TNFAIP1: variants seen among roughly 807,000 people sequenced by gnomAD.
The protein encoded by TNFAIP1 is BTB/POZ domain-containing adapter for CUL3-mediated RhoA degradation protein 2.
A neutral mutation model predicts 32.6 loss-of-function variants in TNFAIP1; 20 were observed. The ratio of observed to expected loss-of-function variants is 0.61; its 90% CI spans 0.43 to 0.89. The LOEUF is 0.89. TNFAIP1 is among the 40% of genes least tolerant of loss of function. The probability of loss-of-function intolerance (pLI) is 0.00; values close to 1 mark genes in which losing one functional copy is unlikely to be tolerated. For missense variants in TNFAIP1, 319 were observed against 425.1 expected, an observed-to-expected ratio of 0.75 and a Z score of 2.20; for synonymous variants, 166 against 166.8, an observed-to-expected ratio of 1.00 and a Z score of 0.04.
In TNFAIP1 at chr17:28,342,322, C is replaced by A; in HGVS notation, c.594C>A (p.Leu198=). The A allele has an allele frequency of 1.2e-6, 2 of 1,606,252 alleles. No homozygotes were observed. The highest frequency in any genetic ancestry group is 1.7e-6 in the Non-Finnish European group (2 of 1,173,322). The change falls in exon 6 of 7, where the codon CTC becomes CTA. Residue 198 remains leucine, a synonymous_variant. Transcript: ENST00000226225. This position sits in a 1 kb window ranked among gnomAD's most constrained non-coding sequence, Gnocchi z 4.0. The part of the protein sequence containing the change: ...KLSLRFNGRV[L]FIKDVIGDEI... ...CCCTGCGCTTCAACGGCCGCGTGCT[C>A]TTCATCAAGGATGTCATTGGTGACG...
In TNFAIP1 at chr17:28,339,627, G is replaced by A. The variant is rs962594443; in HGVS notation, c.106G>A (p.Gly36Ser). 11 of 1,613,830 alleles carry A rather than the reference G, an allele frequency of 6.8e-6. No homozygotes were observed. Among genetic ancestry groups the A allele is most frequent in the Non-Finnish European group, 9.3e-6 (11 of 1,180,000 alleles). ...GNKYVQLNVG[G>S]SLYYTTVRAL... Reference sequence around the variant, plus strand: ...CAAGTATGTCCAGCTCAACGTGGGCGGCTCTCTGTACTACACCACTGTGCG... The same window carrying A: ...CAAGTATGTCCAGCTCAACGTGGGCAGCTCTCTGTACTACACCACTGTGCG... Residue 36 changes from glycine to serine, a missense_variant, in exon 2 of 7, where the codon GGC (glycine) becomes AGC (serine). Coordinates refer to ENST00000226225, the MANE Select transcript of TNFAIP1 (RefSeq NM_021137.5).
intron 1 of TNFAIP1, among the ~76,000 whole-genome samples, 168 bp from the exon 2 acceptor site, chr17:28,339,240 A>C (rs2142382548): frequency 6.7e-6 from 1 of 148,674 alleles, no homozygotes; most frequent in Admixed American, 6.7e-5. Context: ...CCTGTCTCTA[A>C]GAAAAAAAAA....
rs1350956146 is a variant in TNFAIP1, at chr17:28,340,565, G to T, written c.375+87G>T. On this transcript the variant is annotated intron_variant, in intron 3 of 6. Coordinates refer to ENST00000226225, the MANE Select transcript of TNFAIP1 (RefSeq NM_021137.5). The surrounding 1 kb of genome is among the most constrained non-coding windows in gnomAD (Gnocchi z 4.1). Reference sequence around the variant, plus strand: ...GATGGAGGACTCTGGTTCCTGGCAGGTTGTGTGGGAGGCGTGGTTGATGAG... The same window carrying T: ...GATGGAGGACTCTGGTTCCTGGCAGTTTGTGTGGGAGGCGTGGTTGATGAG... The T allele has an allele frequency of 3.3e-6, 5 of 1,504,950 alleles. No homozygotes were observed. The highest frequency in any genetic ancestry group is 3.6e-6 in the Non-Finnish European group (4 of 1,101,444). 93.2% of individuals were successfully genotyped at this position (1,504,950 alleles called of 1,614,324 possible).
chr17:28,345,215 T>TAATC lies in TNFAIP1; in HGVS notation c.*616_*619dup, dbSNP rs1907512372. ...TTTGTACTGTTATTCAGGAGGTTGA[T>TAATC]AATCTCCTTGACCCATGTCTTTCTA... is the stretch of plus-strand genomic sequence containing the variant. On this transcript the variant is annotated 3_prime_UTR_variant, in exon 7 of 7. Transcript: ENST00000226225. 6.5e-6 allele frequency: 1 copy of TAATC among 154,042 alleles called. No homozygotes were observed. Among genetic ancestry groups the TAATC allele is most frequent in the African/African-American group, 2.4e-5 (1 of 41,556 alleles). 9.5% of individuals were successfully genotyped at this position (154,042 alleles called of 1,614,324 possible).
In TNFAIP1 at chr17:28,346,729, T is replaced by C. The variant is rs1907582839; in HGVS notation, c.*2129T>C. ...ATTCAGAAAGCAACTCTTGGCTGTGTGCATTTTTCAACTCCAAGCAGCCCA... is the reference window on the plus strand; with the variant it reads ...ATTCAGAAAGCAACTCTTGGCTGTGCGCATTTTTCAACTCCAAGCAGCCCA... On this transcript the variant is annotated 3_prime_UTR_variant, in exon 7 of 7. Transcript: ENST00000226225. 1 of 152,222 alleles carries C rather than the reference T, an allele frequency of 6.6e-6. No individual in the cohort carries two copies. Among genetic ancestry groups the C allele is most frequent in the African/African-American group, 2.4e-5 (1 of 41,458 alleles). The allele number at this position is 152,222 out of a possible 1,614,324, so 9.4% of individuals were successfully genotyped here. A position where few individuals can be genotyped will look rare whatever the true frequency, so the allele number is the denominator to read the frequency against.
In TNFAIP1 at chr17:28,339,610, T is replaced by C. The variant is rs1907292937; in HGVS notation, c.89T>C (p.Val30Ala). 1 of 1,613,934 alleles carries C rather than the reference T, an allele frequency of 6.2e-7. No individual in the cohort carries two copies. The highest frequency in any genetic ancestry group is 1.1e-5 in the South Asian group (1 of 91,074). The change falls in exon 2 of 7, where the codon GTC becomes GCC. Residue 30 changes from valine (V) to alanine (A), a missense_variant. By Grantham distance (64) the Val-to-Ala change is moderately conservative. Transcript: ENST00000226225. ...GGAGGAGGGTTGGGCAACAAGTATGTCCAGCTCAACGTGGGCGGCTCTCTG... is the reference window on the plus strand; with the variant it reads ...GGAGGAGGGTTGGGCAACAAGTATGCCCAGCTCAACGTGGGCGGCTCTCTG... Reference protein sequence around the residue: ...FKGGGLGNKYVQLNVGGSLYY... With the variant: ...FKGGGLGNKYAQLNVGGSLYY...
chr17:28,340,332 G>A lies in TNFAIP1; in HGVS notation c.229G>A (p.Gly77Arg), dbSNP rs782427985. The A allele has an allele frequency of 1.2e-6, 2 of 1,614,000 alleles. No individual in the cohort carries two copies. Among genetic ancestry groups the A allele is most frequent in the Non-Finnish European group, 8.5e-7 (1 of 1,179,934 alleles). ...AGGCTGGATCCTCATAGACCGTTGTGGAAAGCACTTTGGCACCATTTTGAA... is the reference window on the plus strand; with the variant it reads ...AGGCTGGATCCTCATAGACCGTTGTAGAAAGCACTTTGGCACCATTTTGAA... ...KEGWILIDRC[G>R]KHFGTILNYL... Residue 77 changes from glycine (G) to arginine (R), a missense_variant, in exon 3 of 7, where the codon GGA becomes AGA. By Grantham distance (125) the Gly-to-Arg change is moderately radical. Transcript: ENST00000226225. The surrounding 1 kb of genome is among the most constrained non-coding windows in gnomAD (Gnocchi z 4.1).
Position 28,339,570 on chromosome 17 carries a change from C to T in TNFAIP1, c.49C>T (p.Leu17Phe). Residue 17 changes from leucine (L) to phenylalanine (F), a missense_variant, in exon 2 of 7, where the codon CTC becomes TTC. By Grantham distance (22) the Leu-to-Phe change is conservative. Coordinates refer to ENST00000226225, the MANE Select transcript of TNFAIP1 (RefSeq NM_021137.5). Reference sequence around the variant, plus strand: ...CCCAGCCTCAGGGGCCAAGCCCAAGCTCAGTGGCTTCAAGGGAGGAGGGTT... The same window carrying T: ...CCCAGCCTCAGGGGCCAAGCCCAAGTTCAGTGGCTTCAAGGGAGGAGGGTT... ...LCPASGAKPK[L>F]SGFKGGGLGN... The T allele has an allele frequency of 6.2e-7, 1 of 1,613,200 alleles. No individual in the cohort carries two copies. Among genetic ancestry groups the T allele is most frequent in the Non-Finnish European group, 8.5e-7 (1 of 1,179,530 alleles).
At chr17:28,341,662 G>C (rs1555578200) in intron 5 of TNFAIP1, among the ~76,000 whole-genome samples, 1 of 152,238 alleles carries the variant, frequency 6.6e-6, no homozygotes, top group East Asian at 1.9e-4. Flanking sequence ...AATGATTGAA[G>C]GTGAAATGCG....
At chr17:28,341,056 T>C (rs1907345320) in intron 3 of TNFAIP1, among the ~76,000 whole-genome samples, 181 bp from the exon 4 acceptor site, 2 of 151,624 alleles carry the variant, frequency 1.3e-5, no homozygotes, top group South Asian at 4.2e-4. Context: ...GGATCTTGGG[T>C]TTTCTAACTG....
Position 28,342,241 on chromosome 17 carries a change from T to C in TNFAIP1, c.519-6T>C, listed in dbSNP as rs782736866. On this transcript the variant is annotated splice_polypyrimidine_tract_variant and splice_region_variant and intron_variant, in intron 5 of 6. Coordinates refer to ENST00000226225, the MANE Select transcript of TNFAIP1 (RefSeq NM_021137.5). The surrounding 1 kb of genome is among the most constrained non-coding windows in gnomAD (Gnocchi z 4.0). Reference sequence around the variant, plus strand: ...CCCAGCCGCTTGGCCCTCATGTTTTTTTCAGCAACTCTGACGACCACCTGC... The same window carrying C: ...CCCAGCCGCTTGGCCCTCATGTTTTCTTCAGCAACTCTGACGACCACCTGC... 11 of 1,575,042 alleles carry C rather than the reference T, an allele frequency of 7.0e-6. No homozygotes were observed. In the South Asian group the frequency reaches 1.1e-4, roughly 16 times the overall value.
chr17:28,342,480 C>T lies in TNFAIP1; in HGVS notation c.714+38C>T, dbSNP rs782406809. The T allele has an allele frequency of 6.5e-6, 10 of 1,548,188 alleles. No individual in the cohort carries two copies. Among genetic ancestry groups the T allele is most frequent in the South Asian group, 4.7e-5 (4 of 84,844 alleles). ...GCCCCTGCCTGGGTAGGGGAGGACA[C>T]ACACCCACTGTGCGGGGGACGTGGT... On this transcript the variant is annotated intron_variant, in intron 6 of 6. Coordinates refer to ENST00000226225, the MANE Select transcript of TNFAIP1 (RefSeq NM_021137.5). This position sits in a 1 kb window ranked among gnomAD's most constrained non-coding sequence, Gnocchi z 4.0.
chr17:28,343,672 T>G (rs1352873768), intron 6 of TNFAIP1, among the ~76,000 whole-genome samples: 1 of 151,800 alleles, frequency 6.6e-6, no homozygotes, highest in Non-Finnish European at 1.5e-5. Context: ...GTGTTGTCTT[T>G]CATGAACTCG....
intron 6 of TNFAIP1, among the ~76,000 whole-genome samples, chr17:28,343,756 A>G (rs1352580875): frequency 9.9e-5 from 15 of 152,078 alleles, no homozygotes; most frequent in African/African-American, 3.4e-4. Context: ...ATGAGTGAAC[A>G]GAAGCTCAGT....
In TNFAIP1 at chr17:28,342,773, C is replaced by T. The variant is rs2142385981; in HGVS notation, c.714+331C>T. On this transcript the variant is annotated intron_variant, in intron 6 of 6. Transcript: ENST00000226225. This position sits in a 1 kb window ranked among gnomAD's most constrained non-coding sequence, Gnocchi z 4.0. The stretch of plus-strand genomic sequence containing the variant: ...CAGTTTTCTGACTTTGGATAAGCCA[C>T]TTAAGCCATCTGGGCCTCAGGTTCC... 1.3e-5 allele frequency among the ~76,000 whole-genome samples: 2 copies of T among 152,334 alleles called. No homozygotes were observed. The highest frequency in any genetic ancestry group is 3.4e-3 in the Middle Eastern group (1 of 294).
At chr17:28,343,263 C>T (rs1555578442) in intron 6 of TNFAIP1, among the ~76,000 whole-genome samples, 2 of 152,194 alleles carry the variant, frequency 1.3e-5, no homozygotes, top group African/African-American at 4.8e-5. Context: ...ACAGTCATCA[C>T]AAACTCAGGT....
rs948856317 is a variant in TNFAIP1, at chr17:28,346,314, C to G, written c.*1714C>G. ...GATAAAGACAAATCCACTTCTTTGGCCAAATTCAGGCTTTGGCTTTATGAC... is the reference window on the plus strand; with the variant it reads ...GATAAAGACAAATCCACTTCTTTGGGCAAATTCAGGCTTTGGCTTTATGAC... On this transcript the variant is annotated 3_prime_UTR_variant, in exon 7 of 7. Transcript: ENST00000226225. The G allele has an allele frequency of 2.6e-5, 4 of 152,244 alleles. No homozygotes were observed. Among genetic ancestry groups the G allele is most frequent in the Non-Finnish European group, 5.9e-5 (4 of 68,048 alleles). The allele number at this position is 152,244 out of a possible 1,614,324, so 9.4% of individuals were successfully genotyped here.
At chr17:28,343,513 G>A (rs1349880626) in intron 6 of TNFAIP1, among the ~76,000 whole-genome samples, 1 of 140,004 alleles carries the variant, frequency 7.1e-6, no homozygotes, top group Non-Finnish European at 1.5e-5. Flanking sequence ...AGGTGGCCCT[G>A]CTTCCTTCTG....
chr17:28,340,337 G>A lies in TNFAIP1; in HGVS notation c.234G>A (p.Lys78=), dbSNP rs782662570. 6 of 1,614,028 alleles carry A rather than the reference G, an allele frequency of 3.7e-6. No homozygotes were observed. The South Asian group carries it at 6.6e-5, about 18-fold the overall frequency. The change falls in exon 3 of 7, where the codon AAG becomes AAA. Residue 78 remains lysine, a synonymous_variant. Coordinates refer to ENST00000226225, the MANE Select transcript of TNFAIP1 (RefSeq NM_021137.5). This position sits in a 1 kb window ranked among gnomAD's most constrained non-coding sequence, Gnocchi z 4.1. Reference sequence around the variant, plus strand: ...GGATCCTCATAGACCGTTGTGGAAAGCACTTTGGCACCATTTTGAATTACC... The same window carrying A: ...GGATCCTCATAGACCGTTGTGGAAAACACTTTGGCACCATTTTGAATTACC... ...EGWILIDRCG[K]HFGTILNYLR...
Sources: gnomAD v4.1 joint callset for allele counts (sites outside exome capture counted in the v4.1 genomes callset) on GRCh38, gnomAD v4.1.1 for gene constraint, Gnocchi (gnomAD v3.1) non-coding constraint, MANE v1.5 for transcripts, NCBI Gene and HGNC (gene_info 2026-07-23, HGNC 2026-07-21) for gene names.